The following CCDC32 variants were observed in gnomAD, a reference collection of about 807,000 sequenced individuals.
The protein encoded by CCDC32 is coiled-coil domain-containing protein 32.
Under a neutral mutation model 20.1 loss-of-function variants are expected in CCDC32, and 9 were observed. That is an observed-to-expected ratio of 0.45 (90% CI 0.27 to 0.78). The LOEUF is 0.78. CCDC32 is among the 30% of genes least tolerant of loss of function. CCDC32 has a pLI of 0.16. For missense variants in CCDC32, 204 were observed against 215.5 expected (o/e 0.95, Z 0.33); for synonymous variants, 63 against 79.0 (o/e 0.80, Z 1.07).
the CCDC32 span, among the ~76,000 whole-genome samples, chr15:40,522,553 T>C: frequency 6.6e-6 from 1 of 152,260 alleles, no homozygotes; most frequent in Admixed American, 6.5e-5. Context: ...TGGGGAAAAC[T>C]GGCATCTTAA....
downstream of CCDC32, among the ~76,000 whole-genome samples, chr15:40,550,457 G>A (rs1889806201): frequency 6.6e-6 from 1 of 152,162 alleles, no homozygotes; most frequent in South Asian, 2.1e-4. Flanking sequence ...TACTGAAAAG[G>A]AACTGGAACA....
chr15:40,562,679 C>T (rs914828284), intron 2 of CCDC32, 93 bp downstream of exon 2: 4 of 1,384,540 alleles, frequency 2.9e-6, no homozygotes, highest in Admixed American at 2.2e-5. Context: ...CTGACAGATA[C>T]GTGTGACAGG....
At chr15:40,555,212 T>G (rs932231899) in intron 3 of CCDC32, among the ~76,000 whole-genome samples, 4 of 152,372 alleles carry the variant, frequency 2.6e-5, no homozygotes, top group Admixed American at 2.6e-4. Context: ...AGCGGCTGAT[T>G]GACTCTAGTG....
chr15:40,559,331 T>G (rs1890466331), intron 2 of CCDC32, among the ~76,000 whole-genome samples: 1 of 152,170 alleles, frequency 6.6e-6, no homozygotes, highest in African/African-American at 2.4e-5. Flanking sequence ...CACGTGACCC[T>G]CCCACATCGG....
chr15:40,533,166 C>T (rs1220079235), downstream of CCDC32, among the ~76,000 whole-genome samples: 1 of 152,100 alleles, frequency 6.6e-6, no homozygotes. Flanking sequence ...ATGCCCCAGG[C>T]TCTGTTCTAG....
At position 40,553,461 on chromosome 15, in the gene CCDC32, G is replaced by C. The variant is rs1890006789; in HGVS notation, c.*510C>G. The C allele has an allele frequency of 1.0e-6, 1 of 985,992 alleles. No individual in the cohort carries two copies. Among genetic ancestry groups the C allele is most frequent in the Non-Finnish European group, 1.2e-6 (1 of 830,338 alleles). The allele number at this position is 985,992 out of a possible 1,614,324, so 61.1% of individuals were successfully genotyped here. A position where few individuals can be genotyped will look rare whatever the true frequency, so the allele number is the denominator to read the frequency against. ...CTACAGATTTGTTAGAGAAGCCCCA[G>C]ATGGGGCTTGGATTCAAGGAGCAGA... On this transcript the variant is annotated 3_prime_UTR_variant, in exon 4 of 4. Transcript: ENST00000416810.
At chr15:40,558,550 G>A (rs1890404968) in intron 2 of CCDC32, among the ~76,000 whole-genome samples, 1 of 151,868 alleles carries the variant, frequency 6.6e-6, no homozygotes, top group South Asian at 2.1e-4. Flanking sequence ...TACTCTTTTG[G>A]GCCGGAAAAG....
exon 4 of CCDC32, chr15:40,539,287 C>T: frequency 6.5e-7 from 1 of 1,535,652 alleles, no homozygotes; most frequent in East Asian, 2.4e-5. Context: ...CTGCTCAGCA[C>T]ACTGGTGGCT....
At chr15:40,524,146 CTTTTTTT>C (rs66753325), downstream of CCDC32, among the ~76,000 whole-genome samples, 8 of 89,176 alleles carry the variant, frequency 9.0e-5, no homozygotes, top group South Asian at 3.7e-4. Flanking sequence ...CATGCATAAT[CTTTTTTT>C]TTTTTTTTTT....
chr15:40,557,013 C>T (rs1486338407), intron 3 of CCDC32: 6 of 524,556 alleles, frequency 1.1e-5, no homozygotes, highest in Non-Finnish European at 2.0e-5. Flanking sequence ...TGATTAGTTA[C>T]TACTTTCTCA....
At chr15:40,546,305 C>T (rs1322835221) in intron 3 of CCDC32, among the ~76,000 whole-genome samples, 3 of 151,946 alleles carry the variant, frequency 2.0e-5, no homozygotes, top group South Asian at 2.1e-4. Flanking sequence ...GATTCTCTTG[C>T]CTCAGCCTCC....
At chr15:40,526,608 T>C (rs1478331932), downstream of CCDC32, among the ~76,000 whole-genome samples, 1 of 152,232 alleles carries the variant, frequency 6.6e-6, no homozygotes, top group Non-Finnish European at 1.5e-5. Flanking sequence ...TAAGGGAAAC[T>C]GCTTAATTAG....
At position 40,553,995 on chromosome 15, in the gene CCDC32, G is replaced by A; in HGVS notation, c.534C>T (p.Asp178=). Residue 178 remains aspartate, a synonymous_variant, in exon 4 of 4, where the codon GAC becomes GAT. Transcript: ENST00000416810. ...PVAEDEPAAG[D]KPAAAEQ ...TTTACTGTTCTGCTGCTGCTGGCTT[G>A]TCCCCGGCTGCTGGCTCGTCCTCGG... 1 of 1,609,904 alleles carries A rather than the reference G, an allele frequency of 6.2e-7. No homozygotes were observed. Among genetic ancestry groups the A allele is most frequent in the Non-Finnish European group, 8.5e-7 (1 of 1,179,046 alleles).
chr15:40,533,052 A>T (rs1313932676), downstream of CCDC32, among the ~76,000 whole-genome samples: 1 of 152,058 alleles, frequency 6.6e-6, no homozygotes, highest in Non-Finnish European at 1.5e-5. Flanking sequence ...GTTGGTGGAC[A>T]TGTAAGAGGA....
chr15:40,564,243 C>T (rs1031045678), intron 1 of CCDC32, among the ~76,000 whole-genome samples: 1 of 152,148 alleles, frequency 6.6e-6, no homozygotes, highest in Non-Finnish European at 1.5e-5. Flanking sequence ...GCTGTGTGCT[C>T]AGCGCATGCA....
At chr15:40,545,673 C>T (rs34750756) in intron 3 of CCDC32, among the ~76,000 whole-genome samples, 38,408 of 151,948 alleles carry the variant, frequency 0.25, 5,909 homozygotes, top group Middle Eastern at 0.38. Flanking sequence ...TGTGGGGTAC[C>T]AGCAGAGAGC....
downstream of CCDC32, among the ~76,000 whole-genome samples, chr15:40,550,187 C>T (rs1290791693): frequency 2.6e-5 from 4 of 152,206 alleles, no homozygotes; most frequent in African/African-American, 4.8e-5. Flanking sequence ...CAAGTCATTA[C>T]GGCTTGGCCC....
At chr15:40,551,160 A>G (rs972560113), downstream of CCDC32, among the ~76,000 whole-genome samples, 2 of 152,122 alleles carry the variant, frequency 1.3e-5, no homozygotes, top group African/African-American at 4.8e-5. Flanking sequence ...AGGCGGGCGG[A>G]TCATGAGGTC....
At chr15:40,554,604 T>A (rs1890112893) in intron 3 of CCDC32, among the ~76,000 whole-genome samples, 1 of 149,818 alleles carries the variant, frequency 6.7e-6, no homozygotes, top group Non-Finnish European at 1.5e-5. Flanking sequence ...CACTAAGTGA[T>A]TTTTTTTTTG....
Sources: allele counts gnomAD v4.1 joint callset (sites outside exome capture counted in the v4.1 genomes callset), GRCh38; gene constraint gnomAD v4.1.1; transcripts MANE v1.5; gene names NCBI Gene and HGNC (gene_info 2026-07-23, HGNC 2026-07-21).